PAX5: variants seen among roughly 807,000 people sequenced by gnomAD.
The protein encoded by PAX5 is paired box protein Pax-5.
PAX5 carries 9 observed loss-of-function variants against 43.7 expected under a neutral mutation model. The ratio of observed to expected loss-of-function variants is 0.21; its 90% confidence interval spans 0.12 to 0.36. The LOEUF (loss-of-function observed/expected upper bound fraction) is 0.36, where lower values mean the gene tolerates loss of function less well. Among genes scored for constraint, PAX5 ranks in the 10% least tolerant of loss-of-function variants. The pLI, the probability that PAX5 is intolerant of heterozygous loss-of-function variation, is 1.00. For synonymous variants in PAX5, 228 were observed against 214.3 expected (o/e 1.06, Z -0.56); for missense variants, 383 against 532.7 (o/e 0.72, Z 2.77).
intron 7 of PAX5, among the ~76,000 whole-genome samples, chr9:36,905,389 C>T (rs942131695): frequency 2.4e-4 from 37 of 152,158 alleles, no homozygotes; most frequent in African/African-American, 7.5e-4. Flanking sequence ...ACTGGGCAGA[C>T]GGCAAAACTG....
intron 5 of PAX5, among the ~76,000 whole-genome samples, chr9:36,971,074 C>T (rs1834894601): frequency 6.6e-6 from 1 of 152,226 alleles, no homozygotes; most frequent in African/African-American, 2.4e-5. Context: ...TCATTCTTCC[C>T]TCCACCAAGC....
At chr9:36,973,083 C>CGGAACGGAACGGAACGGAAAGGAAA (rs1835070933) in intron 5 of PAX5, among the ~76,000 whole-genome samples, 3 of 74,518 alleles carry the variant, frequency 4.0e-5, no homozygotes, top group African/African-American at 2.0e-4. Context: ...CGGAACGGAA[C>CGGAACGGAACGGAACGGAAAGGAAA]GGAAAGGAAA....
chr9:37,017,263 G>A (rs979786329), intron 2 of PAX5, among the ~76,000 whole-genome samples: 3 of 152,102 alleles, frequency 2.0e-5, no homozygotes, highest in Admixed American at 1.3e-4. Flanking sequence ...CACTAACCCT[G>A]CAAGGCCACA....
chr9:36,870,579 T>C (rs1432631693), intron 8 of PAX5, among the ~76,000 whole-genome samples: 2 of 152,272 alleles, frequency 1.3e-5, no homozygotes, highest in Non-Finnish European at 2.9e-5. Flanking sequence ...AAACATTTAC[T>C]ATGACATTTA....
chr9:37,026,409 CAA>C, intron 1 of PAX5: 2 of 885,526 alleles, frequency 2.3e-6, no homozygotes, highest in Non-Finnish European at 3.1e-6. Flanking sequence ...CTGCACTTTG[CAA>C]AGTTAGCTGC....
chr9:36,986,272 C>A (rs1048767831), intron 5 of PAX5, among the ~76,000 whole-genome samples: 2 of 149,390 alleles, frequency 1.3e-5, no homozygotes, highest in African/African-American at 4.9e-5. Context: ...CCGCGGGCCG[C>A]GCGGCAATCA....
intron 7 of PAX5, among the ~76,000 whole-genome samples, chr9:36,913,029 C>T (rs549421064): frequency 6.6e-6 from 1 of 152,366 alleles, no homozygotes; most frequent in African/African-American, 2.4e-5. Context: ...TTTCCCTCAG[C>T]CCTTGGCTGT....
intron 6 of PAX5, among the ~76,000 whole-genome samples, chr9:36,935,293 T>C (rs1437972598): frequency 6.6e-6 from 1 of 152,096 alleles, no homozygotes; most frequent in East Asian, 1.9e-4. Context: ...GGCAGGAGAA[T>C]TGCTTGAACC....
chr9:37,015,832 G>A lies in PAX5; in HGVS notation c.213-638C>T, dbSNP rs1167239715. Among the ~76,000 whole-genome samples the A allele has an allele frequency of 1.3e-5, 2 of 151,958 alleles. No homozygotes were observed. The highest frequency in any genetic ancestry group is 2.1e-4 in the South Asian group (1 of 4,814). On this transcript the variant is annotated intron_variant, in intron 2 of 9. Transcript: ENST00000358127. The surrounding 1 kb of genome is among the most constrained non-coding windows in gnomAD (Gnocchi z 4.4). ...CGACCTCAGGTTATCCGCCTGCCTC[G>A]GCCTCCCAAAGTGCTGGGATTACAG...
intron 5 of PAX5, among the ~76,000 whole-genome samples, chr9:36,984,435 CTTT>C (rs10663927): frequency 9.0e-5 from 6 of 66,874 alleles, no homozygotes; most frequent in Non-Finnish European, 1.3e-4. Flanking sequence ...TTGAACCTCT[CTTT>C]TTTTTTTTTT....
intron 6 of PAX5, among the ~76,000 whole-genome samples, chr9:36,931,963 T>C (rs1318126571): frequency 6.6e-6 from 1 of 151,786 alleles, no homozygotes; most frequent in African/African-American, 2.4e-5. Flanking sequence ...GTGATAGTGG[T>C]GTGGTTATGC....
intron 7 of PAX5, among the ~76,000 whole-genome samples, chr9:36,894,564 T>C (rs756287714): frequency 1.7e-4 from 26 of 152,188 alleles, no homozygotes; most frequent in Admixed American, 3.3e-4. Flanking sequence ...TCACTGGCCA[T>C]GTGATCTCCA....
In PAX5 at chr9:36,859,407, C is replaced by A. The variant is rs534671658; in HGVS notation, c.1013-12478G>T. The stretch of plus-strand genomic sequence containing the variant: ...AAGCCAAAGACCCAGGCTGGACCAC[C>A]CAGCTGCTTCGGCTCTCCTGGTCAC... On this transcript the variant is annotated intron_variant, in intron 8 of 9. Coordinates refer to ENST00000358127, the MANE Select transcript of PAX5 (RefSeq NM_016734.3). 3.4e-3 allele frequency among the ~76,000 whole-genome samples: 514 copies of A among 152,256 alleles called. 3 individuals are homozygous for A. Among genetic ancestry groups the A allele is most frequent in the Non-Finnish European group, 5.4e-3 (365 of 68,016 alleles).
chr9:36,987,063 A>T (rs1370430785), intron 5 of PAX5, among the ~76,000 whole-genome samples: 1 of 152,194 alleles, frequency 6.6e-6, no homozygotes, highest in Non-Finnish European at 1.5e-5. Flanking sequence ...TCCGAAGCAG[A>T]TACTGTTACT....
At chr9:36,930,769 G>A in intron 6 of PAX5, 2 of 1,107,424 alleles carry the variant, frequency 1.8e-6, no homozygotes, top group Non-Finnish European at 2.4e-6. Context: ...GTAAGGAGAG[G>A]GACACCACTT....
intron 9 of PAX5, among the ~76,000 whole-genome samples, 168 bp downstream of exon 9, chr9:36,846,675 A>G (rs1300346168): frequency 6.6e-6 from 1 of 152,050 alleles, no homozygotes; most frequent in Non-Finnish European, 1.5e-5. Context: ...AGCACTATTT[A>G]CTGCCCTAAG....
At chr9:36,961,859 CTTTCT>C (rs922731645) in intron 6 of PAX5, among the ~76,000 whole-genome samples, 25 of 152,342 alleles carry the variant, frequency 1.6e-4, no homozygotes, top group Admixed American at 6.5e-4. Flanking sequence ...CCACCAGCAG[CTTTCT>C]TTTCTTTTCT....
At chr9:36,862,432 T>C (rs1231729233) in intron 8 of PAX5, among the ~76,000 whole-genome samples, 3 of 152,146 alleles carry the variant, frequency 2.0e-5, no homozygotes, top group Non-Finnish European at 4.4e-5. Flanking sequence ...GGGGTGGGAA[T>C]AGATGCGCCC....
chr9:36,929,851 G>A (rs1830981525), intron 6 of PAX5, among the ~76,000 whole-genome samples: 1 of 152,104 alleles, frequency 6.6e-6, no homozygotes, highest in Non-Finnish European at 1.5e-5. Flanking sequence ...TCAACCTCCT[G>A]AGTAGCTGGG....
Sources: allele counts gnomAD v4.1 joint callset (sites outside exome capture counted in the v4.1 genomes callset), GRCh38; gene constraint gnomAD v4.1.1; non-coding constraint Gnocchi (gnomAD v3.1); transcripts MANE v1.5; gene names NCBI Gene and HGNC (gene_info 2026-07-23, HGNC 2026-07-21).